DUSP9: variants seen among roughly 807,000 people sequenced by gnomAD.
DUSP9 encodes dual specificity phosphatase 9.
DUSP9 carries 4 observed loss-of-function variants against 13.2 expected under a neutral mutation model. The observed-to-expected ratio is 0.30, with a 90% confidence interval of 0.15 to 0.69. DUSP9 has a LOEUF of 0.69. Among genes scored for constraint, DUSP9 ranks in the 30% least tolerant of loss-of-function variants. DUSP9 has a pLI of 0.73. For synonymous variants in DUSP9, 166 were observed against 172.3 expected, an observed-to-expected ratio of 0.96 and a Z score of 0.29; for missense variants, 263 against 355.0, an observed-to-expected ratio of 0.74 and a Z score of 2.08.
At chrX:153,647,668 T>C (rs997541717) in intron 1 of DUSP9, 2 of 216,701 alleles carry the variant, frequency 9.2e-6, no homozygotes. Flanking sequence ...AGAAAGGGGG[T>C]ATGGAGGGAG....
In DUSP9 at chrX:153,650,230, A is replaced by G. The variant is rs374343713; in HGVS notation, c.1080A>G (p.Ala360=). ...HSQEQGSGGQ[A]SAASNPPSFF... ...AGGAGCAGGGCAGTGGGGGGCAGGC[A>G]TCTGCGGCCTCCAACCCGCCCTCCT... The change falls in exon 4 of 4, where the codon GCA becomes GCG. Residue 360 remains alanine (A), a synonymous_variant. Transcript: ENST00000342782. 117 of 1,209,822 alleles carry G rather than the reference A, an allele frequency of 9.7e-5. 1 individual carries two copies. The highest frequency in any genetic ancestry group is 1.3e-4 in the Non-Finnish European group (115 of 894,930).
At chrX:153,647,153 G>T (rs1361630055), upstream of DUSP9, 1 of 96,423 alleles carries the variant, frequency 1.0e-5, no homozygotes, top group Non-Finnish European at 2.1e-5. Flanking sequence ...CCGGAGCCCC[G>T]CCCCGGCCCG....
At chrX:153,643,740 C>T, upstream of DUSP9, 1 of 236,835 alleles carries the variant, frequency 4.2e-6, no homozygotes, top group Non-Finnish European at 8.2e-6. Context: ...GCTGTGTGTG[C>T]ACGTGTGCTT....
intron 2 of DUSP9, 42 bp downstream of exon 2, chrX:153,648,368 A>G: frequency 9.3e-7 from 1 of 1,071,688 alleles, no homozygotes; most frequent in Non-Finnish European, 1.2e-6. Flanking sequence ...TTCGGGATTC[A>G]TTTGACCTTA....
upstream of DUSP9, among the ~76,000 whole-genome samples, chrX:153,645,116 A>C (rs73247625): frequency 0.011 from 1,224 of 112,943 alleles, 13 homozygotes; most frequent in Middle Eastern, 0.018. Flanking sequence ...CTGTGGAGCT[A>C]GGCTGTGGAC....
chrX:153,644,656 C>T (rs1273767339), upstream of DUSP9, among the ~76,000 whole-genome samples: 3 of 112,642 alleles, frequency 2.7e-5, no homozygotes, highest in Non-Finnish European at 3.8e-5. Context: ...CCCTCATGGC[C>T]TCCTCCCAAA....
rs1030080908 is a variant in DUSP9 at position 153,649,895 on chromosome X, G to A, written c.830-85G>A. 98 of 1,077,549 alleles carry A rather than the reference G, an allele frequency of 9.1e-5. No homozygotes were observed. In the Middle Eastern group the frequency reaches 9.6e-4, roughly 11 times the overall value. The allele number at this position is 1,077,549 out of a possible 1,213,427, so 88.8% of individuals were successfully genotyped here. A position where few individuals can be genotyped will look rare whatever the true frequency, so the allele number is the denominator to read the frequency against. Reference sequence around the variant, plus strand: ...GGCCATCTGGCCCAGGGGGCAGGGCGGGGCCTTTGAGGGCCCTTCGGAAGG... The same window carrying A: ...GGCCATCTGGCCCAGGGGGCAGGGCAGGGCCTTTGAGGGCCCTTCGGAAGG... On this transcript the variant is annotated intron_variant, in intron 3 of 3. Transcript: ENST00000342782.
At chrX:153,649,720 C>A (rs200334921) in intron 3 of DUSP9, 33 bp downstream of exon 3, 1 of 943,655 alleles carries the variant, frequency 1.1e-6, no homozygotes, top group Non-Finnish European at 1.4e-6. Context: ...TCCCTCCTGT[C>A]CTCCCCAAGG....
Position 153,650,359 on chromosome X carries a change from T to C in DUSP9, c.*54T>C. 1.1e-6 allele frequency: 1 copy of C among 925,288 alleles called. No individual in the cohort carries two copies. The highest frequency in any genetic ancestry group is 1.5e-6 in the Non-Finnish European group (1 of 680,799). The allele number at this position is 925,288 out of a possible 1,213,427, so 76.3% of individuals were successfully genotyped here. A position where few individuals can be genotyped will look rare whatever the true frequency, so the allele number is the denominator to read the frequency against. On this transcript the variant is annotated 3_prime_UTR_variant, in exon 4 of 4. Transcript: ENST00000342782. ...CCCCACCCCCACCCACGGGTGTCCC[T>C]GCCCACTCGTGTGGCAAGGGAGGGG... is the stretch of plus-strand genomic sequence containing the variant.
upstream of DUSP9, among the ~76,000 whole-genome samples, chrX:153,646,553 GA>G (rs2091188687): frequency 8.9e-6 from 1 of 111,772 alleles, no homozygotes; most frequent in Admixed American, 9.4e-5. Context: ...GAAGGAGGCA[GA>G]GGGGGGAGCC....
At chrX:153,644,022 T>G (rs782186055), upstream of DUSP9, among the ~76,000 whole-genome samples, 115 of 111,099 alleles carry the variant, frequency 1.0e-3, no homozygotes, top group African/African-American at 3.5e-3. Context: ...GTGGATTTGG[T>G]GGAAAAGACA....
upstream of DUSP9, among the ~76,000 whole-genome samples, chrX:153,646,556 G>C (rs781845107): frequency 9.0e-6 from 1 of 111,598 alleles, no homozygotes; most frequent in Non-Finnish European, 1.9e-5. Context: ...GGAGGCAGAG[G>C]GGGGAGCCAC....
In DUSP9 at chrX:153,650,227, G is replaced by A. The variant is rs1330670039; in HGVS notation, c.1077G>A (p.Gln359=). Residue 359 remains glutamine (Q), a synonymous_variant, in exon 4 of 4, where the codon CAG becomes CAA. Transcript: ENST00000342782. Reference sequence around the variant, plus strand: ...CGCAGGAGCAGGGCAGTGGGGGGCAGGCATCTGCGGCCTCCAACCCGCCCT... The same window carrying A: ...CGCAGGAGCAGGGCAGTGGGGGGCAAGCATCTGCGGCCTCCAACCCGCCCT... ...RHSQEQGSGG[Q]ASAASNPPSF... is the part of the protein sequence containing the mutation. 1.7e-6 allele frequency: 2 copies of A among 1,210,018 alleles called. No homozygotes were observed. The highest frequency in any genetic ancestry group is 4.3e-5 in the Admixed American group (2 of 45,993).
In DUSP9 at chrX:153,650,391, G is replaced by T. The variant is rs2091210591; in HGVS notation, c.*86G>T. ...TCGTGTGGCAAGGGAGGGGAGGGCA[G>T]GAGGGCTCGGCCTGAGCAGGGTGCT... On this transcript the variant is annotated 3_prime_UTR_variant, in exon 4 of 4. Transcript: ENST00000342782. 1 of 744,379 alleles carries T rather than the reference G, an allele frequency of 1.3e-6. No homozygotes were observed. Among genetic ancestry groups the T allele is most frequent in the Non-Finnish European group, 1.9e-6 (1 of 518,595 alleles). 61.3% of individuals were successfully genotyped at this position (744,379 alleles called of 1,213,427 possible).
rs983261087 is a variant in DUSP9 at position 153,650,367 on chromosome X, C to A, written c.*62C>A. 1.1e-6 allele frequency: 1 copy of A among 911,675 alleles called. No homozygotes were observed. Among genetic ancestry groups the A allele is most frequent in the Middle Eastern group, 4.2e-4 (1 of 2,387 alleles). The allele number at this position is 911,675 out of a possible 1,213,427, so 75.1% of individuals were successfully genotyped here. A position where few individuals can be genotyped will look rare whatever the true frequency, so the allele number is the denominator to read the frequency against. On this transcript the variant is annotated 3_prime_UTR_variant, in exon 4 of 4. Transcript: ENST00000342782. ...CCACCCACGGGTGTCCCTGCCCACT[C>A]GTGTGGCAAGGGAGGGGAGGGCAGG...
In DUSP9 at chrX:153,650,410, G is replaced by A; in HGVS notation, c.*105G>A. 1.6e-6 allele frequency: 1 copy of A among 606,859 alleles called. No homozygotes were observed. Among genetic ancestry groups the A allele is most frequent in the Non-Finnish European group, 2.5e-6 (1 of 397,279 alleles). 50.0% of individuals were successfully genotyped at this position (606,859 alleles called of 1,213,427 possible). ...AGGGCAGGAGGGCTCGGCCTGAGCA[G>A]GGTGCTGGGGGGAGAGCGCAATACC... On this transcript the variant is annotated 3_prime_UTR_variant, in exon 4 of 4. Coordinates refer to ENST00000342782, the MANE Select transcript of DUSP9 (RefSeq NM_001318503.2).
At chrX:153,645,183 ACC>A (rs1389599456), upstream of DUSP9, among the ~76,000 whole-genome samples, 1 of 112,858 alleles carries the variant, frequency 8.9e-6, no homozygotes, top group Non-Finnish European at 1.9e-5. Context: ...GGGGAAAGTG[ACC>A]ACACTAGGGA....
chrX:153,646,008 A>T (rs2091186762), upstream of DUSP9, among the ~76,000 whole-genome samples: 1 of 112,884 alleles, frequency 8.9e-6, no homozygotes, highest in Admixed American at 9.3e-5. Flanking sequence ...TCCTTCCTGC[A>T]GTATGCAGTG....
Position 153,649,564 on chromosome X carries a change from G to A in DUSP9, c.706G>A (p.Val236Ile), listed in dbSNP as rs782012800. Residue 236 changes from valine (V) to isoleucine (I), a missense_variant, in exon 3 of 4, where the codon GTC (valine) becomes ATC (isoleucine). Transcript: ENST00000342782. ...AKLGIRYILN[V>I]TPNLPNFFEK... ...ACTGGGCATCCGCTACATCCTCAAT[G>A]TCACCCCCAACCTCCCAAACTTCTT... 4.1e-6 allele frequency: 5 copies of A among 1,212,017 alleles called. No homozygotes were observed. In the South Asian group the frequency reaches 7.0e-5, roughly 17 times the overall value.
Sources: allele counts gnomAD v4.1 joint callset (sites outside exome capture counted in the v4.1 genomes callset), GRCh38; gene constraint gnomAD v4.1.1; transcripts MANE v1.5; gene names NCBI Gene and HGNC (gene_info 2026-07-23, HGNC 2026-07-21).